The following TMEM63C variants were observed in gnomAD, a reference collection of about 807,000 sequenced individuals.
TMEM63C encodes transmembrane protein 63C.
In TMEM63C, 32 loss-of-function variants were observed where a neutral mutation model predicts 99.2. The observed-to-expected ratio is 0.32, with a 90% CI of 0.24 to 0.43. The LOEUF (loss-of-function observed/expected upper bound fraction) is 0.43, where lower values mean the gene tolerates loss of function less well. Among genes scored for constraint, TMEM63C ranks in the 20% least tolerant of loss-of-function variants. TMEM63C has a pLI of 1.00. For missense variants in TMEM63C, 826 were observed against 1,053.0 expected (o/e 0.78, Z 2.98); for synonymous variants, 376 against 397.9 (o/e 0.94, Z 0.66).
At chr14:77,246,963 G>A (rs531942012) in intron 18 of TMEM63C, among the ~76,000 whole-genome samples, 2 of 152,138 alleles carry the variant, frequency 1.3e-5, no homozygotes, top group Non-Finnish European at 2.9e-5. Context: ...CCTTTATCCA[G>A]TTTCCCCCAA....
chr14:77,230,124 C>A (rs943464019), intron 6 of TMEM63C, among the ~76,000 whole-genome samples: 5 of 151,888 alleles, frequency 3.3e-5, no homozygotes, highest in Admixed American at 6.6e-5. Context: ...ATCACTTGAA[C>A]CCGGGAGGAG....
intron 2 of TMEM63C, among the ~76,000 whole-genome samples, chr14:77,214,724 C>G (rs1216030165): frequency 1.3e-5 from 2 of 151,972 alleles, no homozygotes; most frequent in African/African-American, 4.8e-5. Flanking sequence ...ATGTCCACAT[C>G]TCCACAAAGA....
intron 6 of TMEM63C, 112 bp from the exon 7 acceptor site, chr14:77,231,462 GATAGTAAAAAAAAA>G: frequency 1.0e-6 from 1 of 961,062 alleles, no homozygotes; most frequent in Non-Finnish European, 1.5e-6. Context: ...GAGATATAGA[GATAGTAAAAAAAAA>G]AAAAAACTTG....
intron 18 of TMEM63C, among the ~76,000 whole-genome samples, chr14:77,247,495 C>T (rs981283604): frequency 3.9e-5 from 6 of 152,040 alleles, no homozygotes; most frequent in Non-Finnish European, 7.3e-5. Context: ...GCCACCACAC[C>T]CAACCAATAT....
intron 21 of TMEM63C, among the ~76,000 whole-genome samples, chr14:77,251,312 G>A (rs74328319): frequency 0.024 from 3,648 of 152,264 alleles, 144 homozygotes; most frequent in African/African-American, 0.083. Context: ...AACTGCTGCC[G>A]TAAAAAAGGG....
chr14:77,183,253 C>G (rs112460207), intron 1 of TMEM63C, among the ~76,000 whole-genome samples: 1 of 152,188 alleles, frequency 6.6e-6, no homozygotes, highest in African/African-American at 2.4e-5. Flanking sequence ...AAAGGGCAGA[C>G]TGGAGGGGCC....
intron 1 of TMEM63C, among the ~76,000 whole-genome samples, chr14:77,184,703 G>A (rs902358453): frequency 3.3e-5 from 5 of 152,288 alleles, no homozygotes; most frequent in East Asian, 1.9e-4. Context: ...CTTTCCTCTC[G>A]TGGGAGAGCA....
In TMEM63C at chr14:77,251,823, C is replaced by T. The variant is rs750661458; in HGVS notation, c.2073C>T (p.Ser691=). ...ACGCCATCACCATCTTTTCCCTGTC[C>T]ACCCTCCTCATTGCCATGGTGATTG... is the stretch of plus-strand genomic sequence containing the variant. ...SLHAITIFSL[S]TLLIAMVIAF... is the part of the protein sequence containing the mutation. Residue 691 remains serine, a synonymous_variant, in exon 22 of 24, where the codon TCC becomes TCT. Coordinates refer to ENST00000298351, the MANE Select transcript of TMEM63C (RefSeq NM_020431.4). 4 of 1,614,000 alleles carry T rather than the reference C, an allele frequency of 2.5e-6. No individual in the cohort carries two copies. In the South Asian group the frequency reaches 3.3e-5, roughly 13 times the overall value.
At chr14:77,216,127 GGA>G (rs34226160) in intron 2 of TMEM63C, among the ~76,000 whole-genome samples, 23 of 148,982 alleles carry the variant, frequency 1.5e-4, no homozygotes, top group South Asian at 1.3e-3. Flanking sequence ...AAGGAGGGAG[GGA>G]GAGAGAGAGA....
intron 8 of TMEM63C, 87 bp from the exon 9 acceptor site, chr14:77,236,537 G>A: frequency 2.2e-6 from 2 of 924,722 alleles, no homozygotes; most frequent in Non-Finnish European, 3.5e-6. Flanking sequence ...AGGAGACTGA[G>A]GGTAGGAGGA....
At chr14:77,232,448 C>T (rs1427672007) in intron 7 of TMEM63C, among the ~76,000 whole-genome samples, 6 of 152,028 alleles carry the variant, frequency 3.9e-5, no homozygotes, top group South Asian at 2.1e-4. Context: ...CCTCCACACC[C>T]GGCTAATTTT....
At chr14:77,215,630 A>G (rs555975444) in intron 2 of TMEM63C, among the ~76,000 whole-genome samples, 2 of 147,488 alleles carry the variant, frequency 1.4e-5, no homozygotes, top group South Asian at 4.4e-4. Flanking sequence ...AAAAGAAAAG[A>G]AAAAGAAACT....
Position 77,251,745 on chromosome 14 carries a change from C to T in TMEM63C, c.2039-44C>T, listed in dbSNP as rs147086194. ...GCATCTGCCAGTTGGGGTGGCATCT[C>T]GGCTGGCAGACTCCTGCCCATGACT... On this transcript the variant is annotated intron_variant, in intron 21 of 23. Coordinates refer to ENST00000298351, the MANE Select transcript of TMEM63C (RefSeq NM_020431.4). The T allele has an allele frequency of 1.5e-4, 237 of 1,538,536 alleles. 1 individual carries two copies. In the African/African-American group the frequency reaches 2.8e-3, roughly 18 times the overall value.
chr14:77,202,309 C>A (rs1888312511), intron 1 of TMEM63C, among the ~76,000 whole-genome samples: 1 of 151,854 alleles, frequency 6.6e-6, no homozygotes, highest in South Asian at 2.1e-4. Flanking sequence ...CACACACACA[C>A]ACAAACACAT....
At chr14:77,192,224 C>T (rs1215042423) in intron 1 of TMEM63C, among the ~76,000 whole-genome samples, 2 of 152,192 alleles carry the variant, frequency 1.3e-5, no homozygotes, top group African/African-American at 4.8e-5. Flanking sequence ...AGATTAGTTG[C>T]ATCTTTCTAC....
intron 1 of TMEM63C, among the ~76,000 whole-genome samples, chr14:77,207,506 G>T (rs1888421990): frequency 6.6e-6 from 1 of 152,254 alleles, no homozygotes; most frequent in Admixed American, 6.5e-5. Context: ...GGGCAAAGCT[G>T]CTCTGTTCCT....
At chr14:77,244,692 T>C (rs747770754) in intron 16 of TMEM63C, among the ~76,000 whole-genome samples, 1 of 152,172 alleles carries the variant, frequency 6.6e-6, no homozygotes, top group Non-Finnish European at 1.5e-5. Context: ...TGTCTAAGAG[T>C]GTGGGGCCAA....
At chr14:77,254,457 C>G (rs1035168517) in intron 23 of TMEM63C, among the ~76,000 whole-genome samples, 1 of 152,180 alleles carries the variant, frequency 6.6e-6, no homozygotes, top group Non-Finnish European at 1.5e-5. Flanking sequence ...ATGAAGAGAC[C>G]ACAAGGATTT....
chr14:77,214,246 A>G (rs1385955437), intron 2 of TMEM63C, among the ~76,000 whole-genome samples: 1 of 152,204 alleles, frequency 6.6e-6, no homozygotes, highest in Non-Finnish European at 1.5e-5. Flanking sequence ...TGAAGTGGGT[A>G]CTAATGGCTG....
Sources: allele counts gnomAD v4.1 joint callset (sites outside exome capture counted in the v4.1 genomes callset), GRCh38; gene constraint gnomAD v4.1.1; transcripts MANE v1.5; gene names NCBI Gene and HGNC (gene_info 2026-07-23, HGNC 2026-07-21).